The following TRAPPC9 variants were observed in gnomAD, a reference collection of about 807,000 sequenced individuals.
The protein encoded by TRAPPC9 is IKK2 binding protein.
A neutral mutation model predicts 124.0 loss-of-function variants in TRAPPC9; 83 were observed. The observed-to-expected ratio is 0.67, with a 90% CI of 0.56 to 0.80. TRAPPC9 has a LOEUF of 0.80. TRAPPC9 is among the 30% of genes least tolerant of loss of function. The pLI is 0.00. For missense variants in TRAPPC9, 1,302 were observed against 1,508.3 expected, an observed-to-expected ratio of 0.86 and a Z score of 2.27; for synonymous variants, 638 against 617.5, an observed-to-expected ratio of 1.03 and a Z score of -0.49.
intron 17 of TRAPPC9, among the ~76,000 whole-genome samples, chr8:140,220,124 T>C (rs2063301428): frequency 6.6e-6 from 1 of 152,036 alleles, no homozygotes; most frequent in South Asian, 2.1e-4. Context: ...CGAAGGTAAG[T>C]CAAGGCAAGT....
chr8:140,019,901 T>C (rs10106264), intron 18 of TRAPPC9, among the ~76,000 whole-genome samples: 70,172 of 151,934 alleles, frequency 0.46, 17,008 homozygotes, highest in Middle Eastern at 0.63. Flanking sequence ...CCACCCAGGC[T>C]GGAGTGCAGT....
chr8:140,264,313 G>A (rs551707195), intron 15 of TRAPPC9, among the ~76,000 whole-genome samples: 12 of 152,002 alleles, frequency 7.9e-5, no homozygotes, highest in East Asian at 3.9e-4. Context: ...GGTGCTTCTC[G>A]CACTCTTGCC....
chr8:139,972,574 C>G (rs1436679838), intron 19 of TRAPPC9, among the ~76,000 whole-genome samples: 3 of 152,154 alleles, frequency 2.0e-5, no homozygotes, highest in Non-Finnish European at 4.4e-5. Flanking sequence ...AAGGTTCAGA[C>G]TCCCCAGACC....
At chr8:139,791,825 C>T (rs1000598625) in intron 21 of TRAPPC9, among the ~76,000 whole-genome samples, 1 of 152,208 alleles carries the variant, frequency 6.6e-6, no homozygotes, top group Non-Finnish European at 1.5e-5. Context: ...AGGGACAGTG[C>T]ACAGGTCACT....
chr8:139,984,466 G>T lies in TRAPPC9; in HGVS notation c.2810+4260C>A, dbSNP rs1410169375. 6.6e-6 allele frequency among the ~76,000 whole-genome samples: 1 copy of T among 151,924 alleles called. No homozygotes were observed. Among genetic ancestry groups the T allele is most frequent in the African/African-American group, 2.4e-5 (1 of 41,408 alleles). ...CAGCCTGGGGGTGGGGGGCCGGGGGGTGGTGGCAGGGGTGCCTCCTCGTAG... is the reference window on the plus strand; with the variant it reads ...CAGCCTGGGGGTGGGGGGCCGGGGGTTGGTGGCAGGGGTGCCTCCTCGTAG... On this transcript the variant is annotated intron_variant, in intron 19 of 22. Transcript: ENST00000438773. This position sits in a 1 kb window ranked among gnomAD's most constrained non-coding sequence, Gnocchi z 4.3.
chr8:140,332,013 C>T (rs144614423), intron 9 of TRAPPC9, among the ~76,000 whole-genome samples: 77 of 152,242 alleles, frequency 5.1e-4, no homozygotes, highest in African/African-American at 1.8e-3. Flanking sequence ...CAAAGAGATA[C>T]CTGCACTCCC....
chr8:140,089,664 T>C (rs1451858380), intron 17 of TRAPPC9, among the ~76,000 whole-genome samples: 1 of 152,130 alleles, frequency 6.6e-6, no homozygotes, highest in East Asian at 1.9e-4. Flanking sequence ...TCCATAAAGA[T>C]GAGAACCTCG....
At chr8:139,929,730 A>G (rs760567438) in intron 19 of TRAPPC9, among the ~76,000 whole-genome samples, 1 of 152,218 alleles carries the variant, frequency 6.6e-6, no homozygotes, top group Non-Finnish European at 1.5e-5. Flanking sequence ...CACCCGACAC[A>G]TAGGTGTGTG....
At chr8:140,150,088 A>G (rs2061521339) in intron 17 of TRAPPC9, among the ~76,000 whole-genome samples, 1 of 152,210 alleles carries the variant, frequency 6.6e-6, no homozygotes, top group South Asian at 2.1e-4. Context: ...GGCAGTGGTT[A>G]TAATGATGGT....
At chr8:140,324,648 T>C (rs572779221) in intron 9 of TRAPPC9, among the ~76,000 whole-genome samples, 4 of 152,220 alleles carry the variant, frequency 2.6e-5, no homozygotes, top group African/African-American at 9.6e-5. Context: ...TACGTGCCCA[T>C]GGGCCCAACT....
intron 17 of TRAPPC9, among the ~76,000 whole-genome samples, chr8:140,132,058 G>A (rs1453943931): frequency 4.6e-5 from 7 of 152,132 alleles, no homozygotes; most frequent in South Asian, 2.1e-4. Flanking sequence ...CCTGCTCTCC[G>A]GATCCTCCCT....
At chr8:139,765,868 A>T (rs1461167204) in intron 21 of TRAPPC9, among the ~76,000 whole-genome samples, 1 of 152,162 alleles carries the variant, frequency 6.6e-6, no homozygotes, top group Non-Finnish European at 1.5e-5. Flanking sequence ...GGCACACTTC[A>T]TCCCCAGCCG....
chr8:140,443,314 T>G (rs1177166224), intron 2 of TRAPPC9, among the ~76,000 whole-genome samples: 2 of 151,010 alleles, frequency 1.3e-5, no homozygotes, highest in African/African-American at 4.9e-5. Flanking sequence ...TGGGCGCCTG[T>G]AGTCCCAGCT....
intron 17 of TRAPPC9, among the ~76,000 whole-genome samples, chr8:140,075,925 C>T (rs1843481239): frequency 6.6e-6 from 1 of 152,232 alleles, no homozygotes; most frequent in South Asian, 2.1e-4. Flanking sequence ...AGCAACTAAA[C>T]ATTGGAGTGA....
intron 16 of TRAPPC9, among the ~76,000 whole-genome samples, chr8:140,244,876 G>A (rs1048087281): frequency 4.3e-5 from 6 of 139,440 alleles, no homozygotes; most frequent in African/African-American, 1.1e-4. Context: ...GCGCAATCTC[G>A]GCTCACTGCA....
At chr8:139,802,405 G>C (rs1280259238) in intron 21 of TRAPPC9, among the ~76,000 whole-genome samples, 1 of 152,148 alleles carries the variant, frequency 6.6e-6, no homozygotes, top group Non-Finnish European at 1.5e-5. Flanking sequence ...TGAGATCCTG[G>C]CTATGGGAGG....
chr8:140,029,429 C>T (rs1189660338), intron 17 of TRAPPC9, among the ~76,000 whole-genome samples: 6 of 152,086 alleles, frequency 3.9e-5, no homozygotes, highest in Non-Finnish European at 7.4e-5. Flanking sequence ...CATTTGAACC[C>T]GGGAGGTGGA....
At chr8:139,926,490 C>A (rs1043733394) in intron 19 of TRAPPC9, among the ~76,000 whole-genome samples, 5 of 148,516 alleles carry the variant, frequency 3.4e-5, no homozygotes, top group African/African-American at 1.2e-4. Flanking sequence ...ACTCCCGTGA[C>A]AAAAGAAAAC....
chr8:140,441,792 T>C (rs1395719128), intron 2 of TRAPPC9, among the ~76,000 whole-genome samples: 1 of 152,170 alleles, frequency 6.6e-6, no homozygotes, highest in African/African-American at 2.4e-5. Flanking sequence ...CTGGAACTCC[T>C]GGGCCCAAGC....
Sources: gnomAD v4.1 joint callset for allele counts (sites outside exome capture counted in the v4.1 genomes callset) on GRCh38, gnomAD v4.1.1 for gene constraint, Gnocchi (gnomAD v3.1) non-coding constraint, MANE v1.5 for transcripts, NCBI Gene and HGNC (gene_info 2026-07-23, HGNC 2026-07-21) for gene names.